Variants in MARVELD2 observed in about 807,000 individuals in gnomAD.
The protein encoded by MARVELD2 is MARVEL domain containing 2.
Under a neutral mutation model 57.6 loss-of-function variants are expected in MARVELD2, and 49 were observed. The observed-to-expected ratio is 0.85, with a 90% CI of 0.68 to 1.08. The LOEUF is 1.08. Among genes scored for constraint, MARVELD2 ranks in the 50% least tolerant of loss-of-function variants. The probability of loss-of-function intolerance (pLI) is 0.00; values close to 1 mark genes in which losing one functional copy is unlikely to be tolerated. For synonymous variants in MARVELD2, 238 were observed against 258.8 expected (o/e 0.92, Z 0.77); for missense variants, 606 against 701.1 (o/e 0.86, Z 1.53).
intron 5 of MARVELD2, among the ~76,000 whole-genome samples, chr5:69,436,330 C>T (rs1367260113): frequency 6.6e-6 from 1 of 151,130 alleles, no homozygotes; most frequent in African/African-American, 2.4e-5. Flanking sequence ...CACTGCACTC[C>T]AGCCTGGGCG....
Position 69,441,538 on chromosome 5 carries a change from A to G in MARVELD2, c.1561A>G (p.Thr521Ala), listed in dbSNP as rs1175689173. Residue 521 changes from threonine (T) to alanine (A), a missense_variant, in exon 7 of 7, where the codon ACA (threonine) becomes GCA (alanine). Physicochemically the swap from Thr to Ala is moderately conservative, Grantham distance 58. Transcript: ENST00000325631. Reference protein sequence around the residue: ...EEFKKKKNDPTFLEKKERCDY... With the variant: ...EEFKKKKNDPAFLEKKERCDY... ...ACTTATATTTCTTTTACAGGATCCTACATTTCTGGAAAAAAAAGAACGCTG... is the reference window on the plus strand; with the variant it reads ...ACTTATATTTCTTTTACAGGATCCTGCATTTCTGGAAAAAAAAGAACGCTG... 5 of 1,611,030 alleles carry G rather than the reference A, an allele frequency of 3.1e-6. No homozygotes were observed. Among genetic ancestry groups the G allele is most frequent in the African/African-American group, 2.7e-5 (2 of 74,812 alleles).
intron 5 of MARVELD2, among the ~76,000 whole-genome samples, chr5:69,437,198 A>T (rs1767173734): frequency 6.6e-6 from 1 of 150,746 alleles, no homozygotes; most frequent in Admixed American, 6.6e-5. Context: ...CAAAAAAAAA[A>T]AAAAAAGAAA....
chr5:69,416,584 T>C (rs1766433891), intron 1 of MARVELD2, among the ~76,000 whole-genome samples: 1 of 152,080 alleles, frequency 6.6e-6, no homozygotes, highest in Non-Finnish European at 1.5e-5. Context: ...ATGTCTGGGG[T>C]TTACTTCAGA....
At chr5:69,430,297 G>A (rs1161796375) in intron 3 of MARVELD2, among the ~76,000 whole-genome samples, 2 of 151,758 alleles carry the variant, frequency 1.3e-5, no homozygotes, top group Admixed American at 1.3e-4. Flanking sequence ...AAACCTGGAG[G>A]CAGAGGTTGC....
chr5:69,425,507 A>G (rs1439646962), intron 3 of MARVELD2, among the ~76,000 whole-genome samples: 3 of 151,102 alleles, frequency 2.0e-5, no homozygotes, highest in Admixed American at 1.3e-4. Flanking sequence ...TTAAACAATC[A>G]TATCTATAGC....
At chr5:69,437,873 A>G (rs1767205662) in intron 5 of MARVELD2, among the ~76,000 whole-genome samples, 1 of 152,172 alleles carries the variant, frequency 6.6e-6, no homozygotes, top group South Asian at 2.1e-4. Flanking sequence ...TTTCCACACA[A>G]TATCAACAAC....
At chr5:69,418,647 A>C (rs1180624291) in intron 1 of MARVELD2, among the ~76,000 whole-genome samples, 2 of 152,144 alleles carry the variant, frequency 1.3e-5, no homozygotes, top group African/African-American at 4.8e-5. Flanking sequence ...CTCTAAAATG[A>C]CTTTGTTGAT....
At chr5:69,437,723 A>G (rs957881376) in intron 5 of MARVELD2, among the ~76,000 whole-genome samples, 2 of 151,790 alleles carry the variant, frequency 1.3e-5, no homozygotes, top group South Asian at 2.1e-4. Flanking sequence ...TTGACCTGTA[A>G]TCTTTGAGCC....
Position 69,441,835 on chromosome 5 carries a change from G to C in MARVELD2, c.*181G>C. On this transcript the variant is annotated 3_prime_UTR_variant, in exon 7 of 7. Transcript: ENST00000325631. ...CTCCCCAGTAGCTGGGATTACAGGC[G>C]TGCGCTGCCACACCCCGCTAATTTT... 4.4e-6 allele frequency: 2 copies of C among 454,566 alleles called. No individual in the cohort carries two copies. Among genetic ancestry groups the C allele is most frequent in the Non-Finnish European group, 8.1e-6 (2 of 247,702 alleles). The allele number at this position is 454,566 out of a possible 1,614,324, so 28.2% of individuals were successfully genotyped here. A position where few individuals can be genotyped will look rare whatever the true frequency, so the allele number is the denominator to read the frequency against.
rs955335106 is a variant in MARVELD2 at position 69,443,509 on chromosome 5, A to G, written c.*1855A>G. ...CCACTGTGCCCAGCAGGGATGCTTC[A>G]TCTTTCTAAGAATTATCTTGGCTTT... On this transcript the variant is annotated 3_prime_UTR_variant, in exon 7 of 7. Coordinates refer to ENST00000325631, the MANE Select transcript of MARVELD2 (RefSeq NM_001038603.3). The G allele has an allele frequency of 6.6e-5, 10 of 152,156 alleles. No individual in the cohort carries two copies. Among genetic ancestry groups the G allele is most frequent in the African/African-American group, 2.4e-4 (10 of 41,454 alleles). The allele number at this position is 152,156 out of a possible 1,614,324, so 9.4% of individuals were successfully genotyped here.
Position 69,420,280 on chromosome 5 carries a change from G to T in MARVELD2, c.895G>T (p.Ala299Ser), listed in dbSNP as rs1580473065. The T allele has an allele frequency of 6.2e-7, 1 of 1,614,160 alleles. No homozygotes were observed. Residue 299 changes from alanine to serine, a missense_variant, in exon 2 of 7, where the codon GCC becomes TCC. Transcript: ENST00000325631. ...WPLTEFGINV[A>S]LFILYMAAAI... The stretch of plus-strand genomic sequence containing the variant: ...CCTAACTGAATTTGGAATTAACGTT[G>T]CCTTGTTTATTTTGTATATGGCCGC...
Position 69,419,600 on chromosome 5 carries a change from C to G in MARVELD2, c.215C>G (p.Ala72Gly), listed in dbSNP as rs112938244. 144 of 1,613,992 alleles carry G rather than the reference C, an allele frequency of 8.9e-5. No homozygotes were observed. In the African/African-American group the frequency reaches 1.2e-3, roughly 14 times the overall value. The stretch of plus-strand genomic sequence containing the variant: ...AGTGACACAGAAGAACCAGCTATAG[C>G]GCCAGATCTCAAACCAGTAAGGCGC... ...YSSDTEEPAI[A>G]PDLKPVRRFV... The change falls in exon 2 of 7, where the codon GCG (alanine) becomes GGG (glycine). Residue 72 changes from alanine to glycine, a missense_variant. Physicochemically the swap from Ala to Gly is moderately conservative, Grantham distance 60 (BLOSUM62 0). Transcript: ENST00000325631.
intron 2 of MARVELD2, among the ~76,000 whole-genome samples, chr5:69,424,281 C>T (rs938456534): frequency 3.9e-5 from 6 of 152,240 alleles, no homozygotes; most frequent in Middle Eastern, 3.4e-3. Context: ...ATTGTCCTAA[C>T]TCTTTAATCA....
chr5:69,418,123 A>G (rs191794410), intron 1 of MARVELD2, among the ~76,000 whole-genome samples: 89 of 152,196 alleles, frequency 5.8e-4, no homozygotes, highest in Middle Eastern at 6.8e-3. Flanking sequence ...TATTAAATAA[A>G]TAAAACAATA....
chr5:69,423,647 A>G (rs1010010875), intron 2 of MARVELD2, among the ~76,000 whole-genome samples: 5 of 152,020 alleles, frequency 3.3e-5, no homozygotes, highest in Non-Finnish European at 7.4e-5. Context: ...TATATTTTAA[A>G]TTTTTTGTAG....
chr5:69,419,350 T>C, intron 1 of MARVELD2, 21 bp from the exon 2 acceptor site: 1 of 1,612,986 alleles, frequency 6.2e-7, no homozygotes, highest in Non-Finnish European at 8.5e-7. Flanking sequence ...TCATAAGTGA[T>C]AACTTTAAAT....
At chr5:69,425,024 A>G (rs992620474) in intron 3 of MARVELD2, among the ~76,000 whole-genome samples, 16 of 151,426 alleles carry the variant, frequency 1.1e-4, no homozygotes, top group Non-Finnish European at 1.2e-4. Flanking sequence ...GACTGTTTAA[A>G]AAAAGAAAAG....
At chr5:69,428,853 C>CA (rs921458987) in intron 3 of MARVELD2, among the ~76,000 whole-genome samples, 8 of 150,450 alleles carry the variant, frequency 5.3e-5, no homozygotes, top group Admixed American at 1.3e-4. Context: ...ATATGGGGGT[C>CA]AAAAAAAATA....
chr5:69,425,414 A>T (rs1270986411), intron 3 of MARVELD2, among the ~76,000 whole-genome samples: 3 of 59,198 alleles, frequency 5.1e-5, no homozygotes, highest in Non-Finnish European at 1.7e-4. Context: ...TATATATATT[A>T]AAAAAAAAAA....
Sources: allele counts gnomAD v4.1 joint callset (sites outside exome capture counted in the v4.1 genomes callset), GRCh38; gene constraint gnomAD v4.1.1; transcripts MANE v1.5; gene names NCBI Gene and HGNC (gene_info 2026-07-23, HGNC 2026-07-21).